Variants in IGSF3 observed in about 807,000 individuals in gnomAD.
IGSF3 encodes the protein immunoglobulin superfamily member 3.
A neutral mutation model predicts 114.4 loss-of-function variants in IGSF3; 23 were observed. That is an observed-to-expected ratio of 0.20 (90% confidence interval 0.14 to 0.28). The LOEUF is 0.28. Ranked by LOEUF, IGSF3 falls within the 10% of genes least tolerant of loss-of-function variation. The probability of loss-of-function intolerance (pLI) is 1.00; values close to 1 mark genes in which losing one functional copy is unlikely to be tolerated. For missense variants in IGSF3, 1,172 were observed against 1,591.5 expected, an observed-to-expected ratio of 0.74 and a Z score of 4.48; for synonymous variants, 571 against 645.2, an observed-to-expected ratio of 0.88 and a Z score of 1.74.
Position 116,584,928 on chromosome 1 carries a change from A to G in IGSF3, c.2565T>C (p.Phe855=). Residue 855 remains phenylalanine (F), a synonymous_variant, in exon 9 of 11, where the codon TTT becomes TTC. Transcript: ENST00000369486. This position sits in a 1 kb window ranked among gnomAD's most constrained non-coding sequence, Gnocchi z 5.8. ...SITSQLMVEW[F]VWKPNHPERE... The stretch of plus-strand genomic sequence containing the variant: ...GCTCAGGGTGGTTGGGCTTCCATAC[A>G]AACCATTCCACCATGAGCTGGGAGG... The G allele has an allele frequency of 6.2e-7, 1 of 1,613,690 alleles. No individual in the cohort carries two copies. Among genetic ancestry groups the G allele is most frequent in the Non-Finnish European group, 8.5e-7 (1 of 1,179,572 alleles).
rs1466599413 is a variant in IGSF3 at position 116,576,652 on chromosome 1, T to C, written c.*660A>G. 6.5e-6 allele frequency: 1 copy of C among 152,892 alleles called. No individual in the cohort carries two copies. The highest frequency in any genetic ancestry group is 1.5e-5 in the Non-Finnish European group (1 of 68,230). 9.5% of individuals were successfully genotyped at this position (152,892 alleles called of 1,614,324 possible). ...GGTTATGCAGGATTTCTCTTGTACA[T>C]ACACAGTTCTTTGAAGCAAAATTCA... On this transcript the variant is annotated 3_prime_UTR_variant, in exon 11 of 11. Coordinates refer to ENST00000369486, the MANE Select transcript of IGSF3 (RefSeq NM_001007237.3). This position sits in a 1 kb window ranked among gnomAD's most constrained non-coding sequence, Gnocchi z 4.6.
chr1:116,641,517 A>AAAAG (rs1648098131), intron 2 of IGSF3, among the ~76,000 whole-genome samples: 3 of 147,956 alleles, frequency 2.0e-5, no homozygotes, highest in Non-Finnish European at 4.5e-5. Flanking sequence ...AAAAAAAAAA[A>AAAAG]AAGAAGAAGA....
rs1648239469 is a variant in IGSF3, at chr1:116,644,314, G to A, written c.43+21970C>T. Among the ~76,000 whole-genome samples the A allele has an allele frequency of 6.6e-6, 1 of 152,210 alleles. No individual in the cohort carries two copies. Among genetic ancestry groups the A allele is most frequent in the Non-Finnish European group, 1.5e-5 (1 of 68,042 alleles). On this transcript the variant is annotated intron_variant, in intron 2 of 10. Transcript: ENST00000369486. The surrounding 1 kb of genome is among the most constrained non-coding windows in gnomAD (Gnocchi z 5.6). ...CAATGCAGAAAACTGCAGTCATTTG[G>A]CCGCTTGTTAAGGAGAGCCCTGAGC...
chr1:116,660,317 A>T (rs1649057404), intron 2 of IGSF3, among the ~76,000 whole-genome samples: 1 of 151,862 alleles, frequency 6.6e-6, no homozygotes, highest in African/African-American at 2.4e-5. Flanking sequence ...CCTACACTGA[A>T]CTTTACTTCG....
rs1448686284 is a variant in IGSF3, at chr1:116,647,638, T to C, written c.43+18646A>G. ...TTTAGAAAAGTAACTTGCAAAATCA[T>C]ACTGCTGGCTCCATAACAAATGTTG... On this transcript the variant is annotated intron_variant, in intron 2 of 10. Transcript: ENST00000369486. This position sits in a 1 kb window ranked among gnomAD's most constrained non-coding sequence, Gnocchi z 4.6. Among the ~76,000 whole-genome samples, 1 of 152,226 alleles carries C rather than the reference T, an allele frequency of 6.6e-6. No individual in the cohort carries two copies. The highest frequency in any genetic ancestry group is 1.5e-5 in the Non-Finnish European group (1 of 68,038).
At position 116,616,072 on chromosome 1, in the gene IGSF3, C is replaced by T. The variant is rs1245771501; in HGVS notation, c.421+8G>A. On this transcript the variant is annotated splice_region_variant and intron_variant, in intron 3 of 10. Coordinates refer to ENST00000369486, the MANE Select transcript of IGSF3 (RefSeq NM_001007237.3). This position sits in a 1 kb window ranked among gnomAD's most constrained non-coding sequence, Gnocchi z 6.6. ...GACGCTGGCAACGTGAAGACAGCTT[C>T]TCCTTACCCACTAGGTTCATCTTTG... is the stretch of plus-strand genomic sequence containing the variant. 6 of 1,586,660 alleles carry T rather than the reference C, an allele frequency of 3.8e-6. No homozygotes were observed. The highest frequency in any genetic ancestry group is 4.3e-6 in the Non-Finnish European group (5 of 1,157,646).
intron 2 of IGSF3, among the ~76,000 whole-genome samples, chr1:116,631,902 TA>T (rs954254961): frequency 2.6e-5 from 4 of 152,200 alleles, no homozygotes; most frequent in African/African-American, 9.7e-5. Context: ...AGAAAACAGT[TA>T]ATTCAAGGCC....
At position 116,588,018 on chromosome 1, in the gene IGSF3, G is replaced by C. The variant is rs541769463; in HGVS notation, c.2440+676C>G. Among the ~76,000 whole-genome samples, 4 of 152,244 alleles carry C rather than the reference G, an allele frequency of 2.6e-5. No individual in the cohort carries two copies. The highest frequency in any genetic ancestry group is 9.6e-5 in the African/African-American group (4 of 41,466). ...AAATGACGCAGACTTCTCTTTGGTT[G>C]TTCCAGGGGCAGATCTAAAAAGGGA... is the stretch of plus-strand genomic sequence containing the variant. On this transcript the variant is annotated intron_variant, in intron 8 of 10. Coordinates refer to ENST00000369486, the MANE Select transcript of IGSF3 (RefSeq NM_001007237.3). The surrounding 1 kb of genome is among the most constrained non-coding windows in gnomAD (Gnocchi z 4.9).
rs1182616273 is a variant in IGSF3 at position 116,605,698 on chromosome 1, T to A, written c.1223-1673A>T. Among the ~76,000 whole-genome samples the A allele has an allele frequency of 2.0e-5, 3 of 152,192 alleles. No homozygotes were observed. The highest frequency in any genetic ancestry group is 1.5e-5 in the Non-Finnish European group (1 of 68,038). The stretch of plus-strand genomic sequence containing the variant: ...GATCAGATGAGGTACTTATTTTTCA[T>A]CATCATTAATAACAACAATATTCCT... On this transcript the variant is annotated intron_variant, in intron 5 of 10. Coordinates refer to ENST00000369486, the MANE Select transcript of IGSF3 (RefSeq NM_001007237.3). The surrounding 1 kb of genome is among the most constrained non-coding windows in gnomAD (Gnocchi z 5.1).
intron 2 of IGSF3, among the ~76,000 whole-genome samples, chr1:116,640,037 CAAAAAAA>C (rs34003833): frequency 3.1e-5 from 2 of 65,292 alleles, no homozygotes; most frequent in South Asian, 5.7e-4. Flanking sequence ...GACTCTATCT[CAAAAAAA>C]AAAAAAAAAA....
Position 116,584,606 on chromosome 1 carries a change from C to T in IGSF3, c.2848+39G>A. The T allele has an allele frequency of 1.2e-6, 2 of 1,604,546 alleles. No homozygotes were observed. Among genetic ancestry groups the T allele is most frequent in the Non-Finnish European group, 1.7e-6 (2 of 1,171,598 alleles). On this transcript the variant is annotated intron_variant, in intron 9 of 10. Coordinates refer to ENST00000369486, the MANE Select transcript of IGSF3 (RefSeq NM_001007237.3). The surrounding 1 kb of genome is among the most constrained non-coding windows in gnomAD (Gnocchi z 5.8). ...TAAAACAGTATACTTAAATGGGAAA[C>T]ACCAGAGGGAGTGGAAGCTTGGGGA... is the stretch of plus-strand genomic sequence containing the variant.
At chr1:116,639,652 T>A (rs534471973) in intron 2 of IGSF3, among the ~76,000 whole-genome samples, 1 of 152,380 alleles carries the variant, frequency 6.6e-6, no homozygotes, top group South Asian at 2.1e-4. Flanking sequence ...AGTCAAAGCA[T>A]TAGAGCTTCA....
intron 2 of IGSF3, among the ~76,000 whole-genome samples, chr1:116,619,770 C>CT (rs200638914): frequency 1.7e-4 from 25 of 149,650 alleles, no homozygotes; most frequent in African/African-American, 5.6e-4. Context: ...AGGCAAGGAT[C>CT]TTTTTTTTTT....
intron 2 of IGSF3, among the ~76,000 whole-genome samples, chr1:116,663,589 T>C (rs1649205814): frequency 6.6e-6 from 1 of 151,492 alleles, no homozygotes; most frequent in Non-Finnish European, 1.5e-5. Flanking sequence ...AGGGGGTAGG[T>C]ACAAAGACAA....
intron 10 of IGSF3, among the ~76,000 whole-genome samples, chr1:116,578,349 G>T (rs1436936957): frequency 6.6e-6 from 1 of 152,174 alleles, no homozygotes; most frequent in African/African-American, 2.4e-5. Flanking sequence ...TGAGGCAGTG[G>T]GTTATTCAGT....
Position 116,577,654 on chromosome 1 carries a change from A to G in IGSF3, c.3335-92T>C. ...TGAAGACCTCACCTGACCCAGTGGA[A>G]GCTCCTCGGTGACACTCCCACACCA... On this transcript the variant is annotated intron_variant, in intron 10 of 10. Coordinates refer to ENST00000369486, the MANE Select transcript of IGSF3 (RefSeq NM_001007237.3). This position sits in a 1 kb window ranked among gnomAD's most constrained non-coding sequence, Gnocchi z 5.7. The G allele has an allele frequency of 4.0e-6, 5 of 1,264,460 alleles. No individual in the cohort carries two copies. The highest frequency in any genetic ancestry group is 5.6e-6 in the Non-Finnish European group (5 of 894,688). The allele number at this position is 1,264,460 out of a possible 1,614,324, so 78.3% of individuals were successfully genotyped here.
At position 116,642,770 on chromosome 1, in the gene IGSF3, G is replaced by A. The variant is rs186535777; in HGVS notation, c.43+23514C>T. Among the ~76,000 whole-genome samples, 115 of 152,338 alleles carry A rather than the reference G, an allele frequency of 7.5e-4. 1 individual carries two copies. The highest frequency in any genetic ancestry group is 2.4e-3 in the African/African-American group (99 of 41,578). ...ATGCGCTGTAGTATCATCAATCACC[G>A]CTGCTGCTCGCTGGGACTTGGAAGC... On this transcript the variant is annotated intron_variant, in intron 2 of 10. Coordinates refer to ENST00000369486, the MANE Select transcript of IGSF3 (RefSeq NM_001007237.3). This position sits in a 1 kb window ranked among gnomAD's most constrained non-coding sequence, Gnocchi z 5.4.
intron 2 of IGSF3, among the ~76,000 whole-genome samples, chr1:116,639,910 T>G (rs1377391817): frequency 6.6e-6 from 1 of 151,934 alleles, no homozygotes; most frequent in Non-Finnish European, 1.5e-5. Flanking sequence ...GGCAGGCACC[T>G]GTAACCCCAG....
intron 4 of IGSF3, among the ~76,000 whole-genome samples, chr1:116,608,663 C>G (rs1437639527): frequency 2.0e-5 from 3 of 152,202 alleles, no homozygotes; most frequent in Non-Finnish European, 4.4e-5. Flanking sequence ...ACTAATATCA[C>G]TCAAATGGTA....
Sources: gnomAD v4.1 joint callset for allele counts (sites outside exome capture counted in the v4.1 genomes callset) on GRCh38, gnomAD v4.1.1 for gene constraint, Gnocchi (gnomAD v3.1) non-coding constraint, MANE v1.5 for transcripts, NCBI Gene and HGNC (gene_info 2026-07-23, HGNC 2026-07-21) for gene names.